The following HMCN1 variants were observed in gnomAD, a reference collection of about 807,000 sequenced individuals.
HMCN1 encodes the protein hemicentin-1.
A neutral mutation model predicts 625.9 loss-of-function variants in HMCN1; 321 were observed. That is an observed-to-expected ratio of 0.51 (90% confidence interval 0.47 to 0.56). HMCN1 has a LOEUF of 0.56. Among genes scored for constraint, HMCN1 ranks in the 20% least tolerant of loss-of-function variants. The probability of loss-of-function intolerance (pLI) is 0.00; values close to 1 mark genes in which losing one functional copy is unlikely to be tolerated. For synonymous variants in HMCN1, 2,425 were observed against 2,417.6 expected, an observed-to-expected ratio of 1.00 and a Z score of -0.09; for missense variants, 6,588 against 6,887.3, an observed-to-expected ratio of 0.96 and a Z score of 1.54.
At chr1:186,040,653 C>A (rs928798366) in intron 39 of HMCN1, among the ~76,000 whole-genome samples, 3 of 152,024 alleles carry the variant, frequency 2.0e-5, no homozygotes, top group African/African-American at 4.8e-5. Flanking sequence ...AGCGTCTTAC[C>A]TTTTTACCCA....
intron 1 of HMCN1, among the ~76,000 whole-genome samples, chr1:185,755,728 G>A (rs556255418): frequency 6.6e-6 from 1 of 152,194 alleles, no homozygotes; most frequent in Non-Finnish European, 1.5e-5. Context: ...TACCTGATGA[G>A]AGTGAGAAGG....
chr1:186,017,797 G>A (rs940399432), intron 33 of HMCN1, among the ~76,000 whole-genome samples: 28 of 151,538 alleles, frequency 1.8e-4, no homozygotes, highest in African/African-American at 3.1e-4. Context: ...AATTTTTTTG[G>A]TACATAGTGG....
At chr1:186,188,926 A>C (rs1653531095) in intron 106 of HMCN1, among the ~76,000 whole-genome samples, 1 of 152,184 alleles carries the variant, frequency 6.6e-6, no homozygotes, top group Non-Finnish European at 1.5e-5. Flanking sequence ...GGTTTCTGGC[A>C]AACAATTTAA....
chr1:185,988,090 G>C (rs1266469671), intron 20 of HMCN1, among the ~76,000 whole-genome samples: 2 of 152,142 alleles, frequency 1.3e-5, no homozygotes, highest in Non-Finnish European at 2.9e-5. Flanking sequence ...GTCTCAAGTA[G>C]GTGATTTCAC....
At chr1:185,924,666 G>A (rs1167825600) in intron 8 of HMCN1, among the ~76,000 whole-genome samples, 2 of 151,922 alleles carry the variant, frequency 1.3e-5, no homozygotes, top group East Asian at 3.9e-4. Context: ...ATTTATTTTG[G>A]AAAAACAATT....
chr1:186,044,335 C>A (rs1255498780), intron 40 of HMCN1, among the ~76,000 whole-genome samples: 1 of 152,130 alleles, frequency 6.6e-6, no homozygotes, highest in Non-Finnish European at 1.5e-5. Context: ...TCAATCTCAG[C>A]CATTGTGCAG....
chr1:185,893,777 A>G (rs6701167), intron 4 of HMCN1, among the ~76,000 whole-genome samples: 9,669 of 152,214 alleles, frequency 0.064, 1,076 homozygotes, highest in African/African-American at 0.22. Flanking sequence ...TTTATTTTAA[A>G]CTTTTCATTG....
At chr1:185,946,826 T>C (rs1223433917) in intron 11 of HMCN1, among the ~76,000 whole-genome samples, 1 of 152,156 alleles carries the variant, frequency 6.6e-6, no homozygotes, top group Non-Finnish European at 1.5e-5. Context: ...AAATGGATAA[T>C]AAGGAGGCAA....
chr1:185,743,141 G>C (rs1654101094), intron 1 of HMCN1, among the ~76,000 whole-genome samples: 1 of 152,104 alleles, frequency 6.6e-6, no homozygotes, highest in African/African-American at 2.4e-5. Flanking sequence ...TAGATATTAA[G>C]CTCCAAAAGA....
intron 91 of HMCN1, among the ~76,000 whole-genome samples, chr1:186,144,914 A>G (rs746344654): frequency 8.5e-5 from 13 of 152,200 alleles, no homozygotes; most frequent in Non-Finnish European, 1.5e-4. Context: ...CTTGCTCTAT[A>G]TAGGACTAGC....
chr1:186,078,885 TA>T (rs1237816082), intron 55 of HMCN1, among the ~76,000 whole-genome samples: 5 of 152,180 alleles, frequency 3.3e-5, no homozygotes, highest in African/African-American at 1.2e-4. Flanking sequence ...AGGGAAAAGA[TA>T]AGTGACATAA....
intron 25 of HMCN1, among the ~76,000 whole-genome samples, chr1:185,999,186 AC>A (rs1435440385): frequency 6.6e-6 from 1 of 152,032 alleles, no homozygotes; most frequent in Non-Finnish European, 1.5e-5. Context: ...GTCATTTAAT[AC>A]AGGATTATTA....
At position 185,803,205 on chromosome 1, in the gene HMCN1, C is replaced by CAAAAAAAAAAAAAAAAAAAAAAAAAAAGA; in HGVS notation, c.269-42803_269-42802insAAAAAAAAAGAAAAAAAAAAAAAAAAAAA. Among the ~76,000 whole-genome samples, 330 of 58,622 alleles carry CAAAAAAAAAAAAAAAAAAAAAAAAAAAGA rather than the reference C, an allele frequency of 5.6e-3. 1 individual carries two copies. Among genetic ancestry groups the CAAAAAAAAAAAAAAAAAAAAAAAAAAAGA allele is most frequent in the East Asian group, 0.011 (17 of 1,544 alleles). 38.5% of individuals were successfully genotyped at this position (58,622 alleles called of 152,430 possible). A position where few individuals can be genotyped will look rare whatever the true frequency, so the allele number is the denominator to read the frequency against. On this transcript the variant is annotated intron_variant, in intron 1 of 106. Transcript: ENST00000271588. Reference sequence around the variant, plus strand: ...AGCAGAACCAAAAAAAAAAAAAAAGCAAAAAAAAAAAAAAAAAACAAAACA... The same window carrying CAAAAAAAAAAAAAAAAAAAAAAAAAAAGA: ...AGCAGAACCAAAAAAAAAAAAAAAGCAAAAAAAAAAAAAAAAAAAAAAAAAAAGAAAAAAAAAAAAAAAAAAACAAAACA...
chr1:186,089,218 A>T (rs1659701096), intron 63 of HMCN1, among the ~76,000 whole-genome samples: 1 of 152,032 alleles, frequency 6.6e-6, no homozygotes, highest in Admixed American at 6.6e-5. Context: ...TTCATCAAGT[A>T]TTTAATTAAT....
intron 1 of HMCN1, among the ~76,000 whole-genome samples, chr1:185,795,891 G>A (rs1425762269): frequency 6.6e-6 from 1 of 152,194 alleles, no homozygotes; most frequent in Non-Finnish European, 1.5e-5. Flanking sequence ...CTAAAAGTTT[G>A]TTGATCAATG....
intron 4 of HMCN1, among the ~76,000 whole-genome samples, chr1:185,907,088 T>C (rs559907788): frequency 2.6e-5 from 4 of 151,934 alleles, no homozygotes; most frequent in African/African-American, 9.6e-5. Context: ...TGGTCTGTAG[T>C]CATATGGACG....
intron 2 of HMCN1, among the ~76,000 whole-genome samples, chr1:185,854,179 A>G (rs1055100601): frequency 1.3e-5 from 2 of 152,172 alleles, no homozygotes; most frequent in Admixed American, 1.3e-4. Context: ...AGCTGCAGCT[A>G]AAAAACAAAC....
chr1:185,780,277 A>G (rs538096845), intron 1 of HMCN1, among the ~76,000 whole-genome samples: 7 of 152,332 alleles, frequency 4.6e-5, no homozygotes, highest in Non-Finnish European at 7.3e-5. Flanking sequence ...TAAATATACA[A>G]TCATGTCATC....
At chr1:186,056,716 T>C (rs542456988) in intron 45 of HMCN1, among the ~76,000 whole-genome samples, 58 of 151,898 alleles carry the variant, frequency 3.8e-4, no homozygotes, top group African/African-American at 1.3e-3. Context: ...GACATAAAGA[T>C]GGCAACAGTA....
Sources: gnomAD v4.1 joint callset for allele counts (sites outside exome capture counted in the v4.1 genomes callset) on GRCh38, gnomAD v4.1.1 for gene constraint, MANE v1.5 for transcripts, NCBI Gene and HGNC (gene_info 2026-07-23, HGNC 2026-07-21) for gene names.